The following CPQ variants were observed in gnomAD, a reference collection of about 807,000 sequenced individuals.
CPQ encodes carboxypeptidase Q.
In CPQ, 37 loss-of-function variants were observed where a neutral mutation model predicts 45.7. The observed-to-expected ratio is 0.81, with a 90% confidence interval of 0.62 to 1.07. The LOEUF (loss-of-function observed/expected upper bound fraction) is 1.07. Among genes scored for constraint, CPQ ranks in the 50% least tolerant of loss-of-function variants. CPQ has a pLI of 0.00. For synonymous variants in CPQ, 186 were observed against 205.8 expected, an observed-to-expected ratio of 0.90 and a Z score of 0.82; for missense variants, 537 against 572.9, an observed-to-expected ratio of 0.94 and a Z score of 0.64.
chr8:97,036,613 T>C (rs1425490345), intron 6 of CPQ, among the ~76,000 whole-genome samples: 1 of 152,220 alleles, frequency 6.6e-6, no homozygotes, highest in Non-Finnish European at 1.5e-5. Context: ...TCTTCTCTTC[T>C]CTTCTCTTGG....
chr8:96,913,401 C>T (rs1304096814), intron 4 of CPQ, among the ~76,000 whole-genome samples: 1 of 152,200 alleles, frequency 6.6e-6, no homozygotes, highest in African/African-American at 2.4e-5. Context: ...ATGCGGTGTG[C>T]TTCCCTAGCT....
intron 3 of CPQ, among the ~76,000 whole-genome samples, chr8:96,872,977 A>G (rs533573982): frequency 7.0e-4 from 106 of 151,972 alleles, no homozygotes; most frequent in Admixed American, 1.2e-3. Context: ...TCCTTCCTGT[A>G]TGGTGTGGAT....
At chr8:96,728,938 C>T (rs1224758050) in intron 1 of CPQ, among the ~76,000 whole-genome samples, 1 of 152,074 alleles carries the variant, frequency 6.6e-6, no homozygotes, top group Non-Finnish European at 1.5e-5. Context: ...AAAAATCCTT[C>T]ATCATCAAGA....
chr8:97,138,896 G>C (rs16895255), intron 7 of CPQ, among the ~76,000 whole-genome samples: 10,732 of 151,954 alleles, frequency 0.071, 492 homozygotes, highest in Non-Finnish European at 0.1. Flanking sequence ...CTATAGAGTT[G>C]GAGGGAAAAG....
chr8:96,719,272 G>A (rs752469063), intron 1 of CPQ, among the ~76,000 whole-genome samples: 4 of 152,186 alleles, frequency 2.6e-5, no homozygotes, highest in Admixed American at 6.5e-5. Context: ...CGAGCGCAGC[G>A]CTGGTGGGCT....
intron 6 of CPQ, among the ~76,000 whole-genome samples, chr8:97,049,013 T>C (rs1810309152): frequency 6.6e-6 from 1 of 152,220 alleles, no homozygotes; most frequent in Non-Finnish European, 1.5e-5. Context: ...TCTCTGAAAT[T>C]GTAGTTAATG....
At chr8:97,142,872 T>C (rs2130636365) in intron 7 of CPQ, 148 bp from the exon 8 acceptor site, 2 of 674,508 alleles carry the variant, frequency 3.0e-6, no homozygotes, top group Non-Finnish European at 4.9e-6. Flanking sequence ...CACATGGACA[T>C]TTCTTGCAGC....
chr8:96,708,657 A>G (rs1475338036), intron 1 of CPQ, among the ~76,000 whole-genome samples: 3 of 152,072 alleles, frequency 2.0e-5, no homozygotes, highest in Non-Finnish European at 4.4e-5. Flanking sequence ...CCTGTGAAGG[A>G]TACTCCCTAC....
At chr8:96,707,126 T>C (rs1418208304) in intron 1 of CPQ, among the ~76,000 whole-genome samples, 3 of 152,142 alleles carry the variant, frequency 2.0e-5, no homozygotes, top group Non-Finnish European at 4.4e-5. Flanking sequence ...AAAATAGCCC[T>C]GTACAAAGTA....
chr8:97,109,996 TG>T lies in CPQ; in HGVS notation c.1256-33023del, dbSNP rs1184368182. Among the ~76,000 whole-genome samples, 8 of 152,306 alleles carry T rather than the reference TG, an allele frequency of 5.3e-5. No individual in the cohort carries two copies. The South Asian group carries it at 1.4e-3, about 28-fold the overall frequency. ...AACTCTTATTTTTTTCTATTTTTAC[TG>T]AGATACAATTGACATATGGTAAAAT... On this transcript the variant is annotated intron_variant, in intron 7 of 7. Transcript: ENST00000220763.
intron 7 of CPQ, among the ~76,000 whole-genome samples, chr8:97,100,806 G>A (rs181022747): frequency 9.9e-5 from 15 of 152,140 alleles, no homozygotes; most frequent in African/African-American, 1.7e-4. Flanking sequence ...AATGGCCCCC[G>A]AATGTATGCC....
intron 5 of CPQ, among the ~76,000 whole-genome samples, chr8:97,023,299 C>T (rs1370427700): frequency 1.3e-5 from 2 of 151,744 alleles, no homozygotes; most frequent in African/African-American, 4.8e-5. Flanking sequence ...ATAAGAAAGA[C>T]ACAATGGACT....
intron 3 of CPQ, among the ~76,000 whole-genome samples, chr8:96,862,391 T>C (rs1262701786): frequency 6.6e-6 from 1 of 151,784 alleles, no homozygotes; most frequent in African/African-American, 2.4e-5. Context: ...CTTCTGGTGC[T>C]CAATAAATGG....
At chr8:96,912,571 G>T (rs1314399107) in intron 4 of CPQ, among the ~76,000 whole-genome samples, 1 of 152,168 alleles carries the variant, frequency 6.6e-6, no homozygotes, top group Non-Finnish European at 1.5e-5. Context: ...TTTCATAGAT[G>T]TATTAAATCA....
chr8:96,694,850 T>C (rs1173443216), intron 1 of CPQ, among the ~76,000 whole-genome samples: 1 of 152,174 alleles, frequency 6.6e-6, no homozygotes, highest in African/African-American at 2.4e-5. Context: ...ATGGTGTATC[T>C]TAAAGAACTA....
intron 3 of CPQ, among the ~76,000 whole-genome samples, chr8:96,876,204 T>A (rs1812143109): frequency 6.6e-6 from 1 of 151,986 alleles, no homozygotes; most frequent in Admixed American, 6.6e-5. Context: ...TCTAATCGTT[T>A]TGTGTGTGTA....
chr8:96,972,474 T>C (rs534644578), intron 5 of CPQ, among the ~76,000 whole-genome samples: 2 of 152,316 alleles, frequency 1.3e-5, no homozygotes, highest in East Asian at 3.9e-4. Context: ...TCTATGGCCC[T>C]ACCTATCACC....
intron 5 of CPQ, among the ~76,000 whole-genome samples, chr8:96,990,237 A>AG (rs1809064821): frequency 1.3e-5 from 2 of 152,064 alleles, no homozygotes; most frequent in African/African-American, 4.8e-5. Context: ...AGACCCCTTC[A>AG]GGTCTTTTTT....
In CPQ at chr8:97,104,873, G is replaced by A. The variant is rs1811376746; in HGVS notation, c.1256-38147G>A. ...CTTGTGCCCTTGTGAAGCAGGTGTGGGAAGTGTTTCTAAAATATTTCTGCC... is the reference window on the plus strand; with the variant it reads ...CTTGTGCCCTTGTGAAGCAGGTGTGAGAAGTGTTTCTAAAATATTTCTGCC... On this transcript the variant is annotated intron_variant, in intron 7 of 7. Coordinates refer to ENST00000220763, the MANE Select transcript of CPQ (RefSeq NM_016134.4). Among the ~76,000 whole-genome samples, 2 of 152,144 alleles carry A rather than the reference G, an allele frequency of 1.3e-5. 1 individual carries two copies. Among genetic ancestry groups the A allele is most frequent in the South Asian group, 4.2e-4 (2 of 4,818 alleles).
Sources: allele counts gnomAD v4.1 joint callset (sites outside exome capture counted in the v4.1 genomes callset), GRCh38; gene constraint gnomAD v4.1.1; transcripts MANE v1.5; gene names NCBI Gene and HGNC (gene_info 2026-07-23, HGNC 2026-07-21).